The following ADGRL3 variants were observed in gnomAD, a reference collection of about 807,000 sequenced individuals.
ADGRL3 encodes calcium-independent alpha-latrotoxin receptor 3.
Under a neutral mutation model 153.5 loss-of-function variants are expected in ADGRL3, and 62 were observed. That is an observed-to-expected ratio of 0.40 (90% CI 0.33 to 0.50). The LOEUF is 0.50. Among genes scored for constraint, ADGRL3 ranks in the 20% least tolerant of loss-of-function variants. ADGRL3 has a pLI of 0.47. For synonymous variants in ADGRL3, 710 were observed against 672.5 expected, an observed-to-expected ratio of 1.06 and a Z score of -0.86; for missense variants, 1,641 against 1,859.4, an observed-to-expected ratio of 0.88 and a Z score of 2.16.
At chr4:61,629,652 G>C (rs1321251962) in intron 5 of ADGRL3, among the ~76,000 whole-genome samples, 1 of 143,776 alleles carries the variant, frequency 7.0e-6, no homozygotes, top group Admixed American at 7.2e-5. Flanking sequence ...GGGAGGTGGA[G>C]TTTGCAGTGA....
At chr4:61,372,281 G>T (rs945297712) in intron 1 of ADGRL3, among the ~76,000 whole-genome samples, 1 of 152,160 alleles carries the variant, frequency 6.6e-6, no homozygotes, top group Non-Finnish European at 1.5e-5. Flanking sequence ...GAGGAACTGC[G>T]TTCCTTTGGA....
At chr4:61,760,198 C>T (rs957569802) in intron 8 of ADGRL3, among the ~76,000 whole-genome samples, 4 of 152,102 alleles carry the variant, frequency 2.6e-5, no homozygotes, top group Non-Finnish European at 5.9e-5. Flanking sequence ...CAGACAGGGA[C>T]ATTTTAGTGT....
chr4:61,635,308 T>C (rs997659559), intron 5 of ADGRL3, among the ~76,000 whole-genome samples: 3 of 152,086 alleles, frequency 2.0e-5, no homozygotes, highest in African/African-American at 4.8e-5. Context: ...ATACTCTCCA[T>C]TGAGTGACCC....
intron 1 of ADGRL3, among the ~76,000 whole-genome samples, chr4:61,341,831 T>C (rs1371159414): frequency 2.0e-5 from 3 of 152,058 alleles, no homozygotes; most frequent in Non-Finnish European, 4.4e-5. Context: ...GGCATACTTA[T>C]TGATGCACTC....
intron 1 of ADGRL3, among the ~76,000 whole-genome samples, chr4:61,260,202 C>T (rs987874056): frequency 6.6e-5 from 10 of 152,042 alleles, no homozygotes; most frequent in South Asian, 4.1e-4. Context: ...TGAAACCTAA[C>T]GATGGTTGTT....
chr4:61,908,130 G>A (rs2098704663), intron 11 of ADGRL3, among the ~76,000 whole-genome samples: 1 of 151,982 alleles, frequency 6.6e-6, no homozygotes, highest in South Asian at 2.1e-4. Flanking sequence ...AAAAAAATTA[G>A]CCAGGCATAG....
chr4:61,568,568 A>G (rs1378895081), intron 4 of ADGRL3, among the ~76,000 whole-genome samples: 1 of 152,176 alleles, frequency 6.6e-6, no homozygotes, highest in African/African-American at 2.4e-5. Context: ...TTCCCATGAT[A>G]ATATACTTAA....
chr4:61,672,979 A>C (rs1388389480), intron 5 of ADGRL3, among the ~76,000 whole-genome samples: 1 of 152,020 alleles, frequency 6.6e-6, no homozygotes, highest in Non-Finnish European at 1.5e-5. Flanking sequence ...ACATAAATAT[A>C]TAATGGAATA....
At chr4:61,490,296 C>CGTG (rs1255568971) in intron 2 of ADGRL3, among the ~76,000 whole-genome samples, 7 of 55,762 alleles carry the variant, frequency 1.3e-4, no homozygotes, top group African/African-American at 2.5e-4. Flanking sequence ...TATTTTACCA[C>CGTG]TTGTATTTAC....
At chr4:61,364,039 T>C (rs2096344661) in intron 1 of ADGRL3, among the ~76,000 whole-genome samples, 1 of 151,972 alleles carries the variant, frequency 6.6e-6, no homozygotes, top group South Asian at 2.1e-4. Flanking sequence ...TCATAGTGAA[T>C]GATCAATAAA....
At chr4:61,240,527 C>T (rs1173068744) in intron 1 of ADGRL3, among the ~76,000 whole-genome samples, 1 of 152,130 alleles carries the variant, frequency 6.6e-6, no homozygotes, top group African/African-American at 2.4e-5. Flanking sequence ...GCCTAAACAT[C>T]TATGAAACAG....
chr4:61,612,269 A>G (rs1259491497), intron 5 of ADGRL3, among the ~76,000 whole-genome samples: 3 of 152,184 alleles, frequency 2.0e-5, no homozygotes, highest in African/African-American at 7.2e-5. Context: ...CCATGAGGTT[A>G]TTGTGAATTT....
chr4:61,568,678 G>A (rs1040110735), intron 4 of ADGRL3, among the ~76,000 whole-genome samples: 1 of 152,012 alleles, frequency 6.6e-6, no homozygotes, highest in African/African-American at 2.4e-5. Context: ...AAAGTTAATG[G>A]TCTTTTTTTC....
chr4:61,202,978 G>C lies in ADGRL3; in HGVS notation c.-240+1213G>C, dbSNP rs975873475. On this transcript the variant is annotated intron_variant, in intron 1 of 26. Transcript: ENST00000683033. This position sits in a 1 kb window ranked among gnomAD's most constrained non-coding sequence, Gnocchi z 5.0. ...AAAATCTGGTTTGAGGAGGCCACGG[G>C]GGCCCCCGCAGGGTGGCGAGGAAAC... Among the ~76,000 whole-genome samples the C allele has an allele frequency of 2.0e-5, 3 of 152,214 alleles. No individual in the cohort carries two copies. In the South Asian group the frequency reaches 6.2e-4, roughly 31 times the overall value.
At chr4:61,786,765 G>A (rs909516876) in intron 8 of ADGRL3, among the ~76,000 whole-genome samples, 1 of 152,012 alleles carries the variant, frequency 6.6e-6, no homozygotes, top group African/African-American at 2.4e-5. Flanking sequence ...AAAATATTCT[G>A]CCATTTGCCC....
chr4:61,520,608 A>T (rs1294995046), intron 4 of ADGRL3, among the ~76,000 whole-genome samples: 1 of 146,500 alleles, frequency 6.8e-6, no homozygotes, highest in East Asian at 2.0e-4. Context: ...TTTCCTTCCT[A>T]CTTGGGTTTT....
intron 2 of ADGRL3, among the ~76,000 whole-genome samples, chr4:61,432,717 G>A (rs1308841249): frequency 1.4e-5 from 2 of 142,274 alleles, no homozygotes; most frequent in African/African-American, 5.2e-5. Flanking sequence ...GTAATAGAGC[G>A]ATCTCGGCGC....
At chr4:62,040,795 T>C (rs927153769) in intron 24 of ADGRL3, among the ~76,000 whole-genome samples, 1 of 152,050 alleles carries the variant, frequency 6.6e-6, no homozygotes, top group Non-Finnish European at 1.5e-5. Flanking sequence ...AATATGATGA[T>C]GTCAATTAGC....
chr4:61,585,452 T>C (rs1338298884), intron 4 of ADGRL3, among the ~76,000 whole-genome samples: 1 of 152,002 alleles, frequency 6.6e-6, no homozygotes, highest in Non-Finnish European at 1.5e-5. Flanking sequence ...CCCTCCATTT[T>C]TCACCTCCCT....
Sources: allele counts gnomAD v4.1 joint callset (sites outside exome capture counted in the v4.1 genomes callset), GRCh38; gene constraint gnomAD v4.1.1; non-coding constraint Gnocchi (gnomAD v3.1); transcripts MANE v1.5; gene names NCBI Gene and HGNC (gene_info 2026-07-23, HGNC 2026-07-21).